Variants in RNF169 observed in about 807,000 individuals in gnomAD.
RNF169 encodes the protein ring finger protein 169.
RNF169 carries 24 observed loss-of-function variants against 53.9 expected under a neutral mutation model. The ratio of observed to expected loss-of-function variants is 0.45; its 90% CI spans 0.32 to 0.63. The LOEUF is 0.63. RNF169 is among the 20% of genes least tolerant of loss of function. The pLI is 0.04. For missense variants in RNF169, 883 were observed against 906.2 expected (o/e 0.97, Z 0.33); for synonymous variants, 396 against 363.5 (o/e 1.09, Z -1.02).
chr11:74,825,127 T>C (rs1309438763), intron 4 of RNF169, among the ~76,000 whole-genome samples: 2 of 151,976 alleles, frequency 1.3e-5, no homozygotes, highest in Non-Finnish European at 2.9e-5. Flanking sequence ...CATTATATAA[T>C]GATAAAAGGA....
intron 2 of RNF169, among the ~76,000 whole-genome samples, chr11:74,793,687 C>G (rs1002034626): frequency 2.6e-5 from 4 of 152,110 alleles, no homozygotes; most frequent in Admixed American, 2.6e-4. Context: ...GGTATGCTTA[C>G]TGAGGTCACT....
At chr11:74,833,004 T>C (rs573037148) in intron 4 of RNF169, among the ~76,000 whole-genome samples, 6 of 152,328 alleles carry the variant, frequency 3.9e-5, no homozygotes, top group Admixed American at 3.9e-4. Context: ...CACTAGATAG[T>C]ACAACTTTCA....
Position 74,748,851 on chromosome 11 carries a change from A to C in RNF169, c.-30A>C, listed in dbSNP as rs1483471785. 10 of 1,375,462 alleles carry C rather than the reference A, an allele frequency of 7.3e-6. No individual in the cohort carries two copies. In the South Asian group the frequency reaches 1.3e-4, roughly 17 times the overall value. 85.2% of individuals were successfully genotyped at this position (1,375,462 alleles called of 1,614,324 possible). ...CCCGCCCTCCACTCTTCTCCCTCGC[A>C]ACCGACTCTCCCTTCAAACGGGAAA... is the stretch of plus-strand genomic sequence containing the variant. On this transcript the variant is annotated 5_prime_UTR_variant, in exon 1 of 6. Transcript: ENST00000299563.
chr11:74,815,716 A>G (rs1184763557), intron 3 of RNF169, among the ~76,000 whole-genome samples: 1 of 152,182 alleles, frequency 6.6e-6, no homozygotes. Flanking sequence ...CACAATCTAT[A>G]TAGTAGAGTA....
intron 1 of RNF169, among the ~76,000 whole-genome samples, chr11:74,765,979 T>C (rs1331508359): frequency 6.6e-6 from 1 of 151,952 alleles, no homozygotes; most frequent in Non-Finnish European, 1.5e-5. Flanking sequence ...AAAATCTAAT[T>C]CATTGAAAAG....
chr11:74,767,601 G>T (rs868051958), intron 1 of RNF169, among the ~76,000 whole-genome samples: 1 of 151,356 alleles, frequency 6.6e-6, no homozygotes, highest in Non-Finnish European at 1.5e-5. Context: ...ATGGAGTCTC[G>T]CTCTGTCGCC....
At chr11:74,773,402 CA>C (rs1346761437) in intron 1 of RNF169, among the ~76,000 whole-genome samples, 1 of 152,108 alleles carries the variant, frequency 6.6e-6, no homozygotes, top group Non-Finnish European at 1.5e-5. Flanking sequence ...ATGTGTTTAT[CA>C]GCTTAGATGA....
At chr11:74,757,396 A>C (rs2035001829) in intron 1 of RNF169, among the ~76,000 whole-genome samples, 1 of 119,278 alleles carries the variant, frequency 8.4e-6, no homozygotes, top group African/African-American at 3.4e-5. Context: ...CCAGTCTATC[A>C]TTGTTGGACA....
At chr11:74,781,251 G>A (rs766080114) in intron 1 of RNF169, among the ~76,000 whole-genome samples, 1 of 152,238 alleles carries the variant, frequency 6.6e-6, no homozygotes, top group Non-Finnish European at 1.5e-5. Context: ...CTCATGTCAT[G>A]TTTGGATTGT....
intron 1 of RNF169, among the ~76,000 whole-genome samples, chr11:74,758,662 C>T (rs188389048): frequency 1.9e-3 from 294 of 152,142 alleles, no homozygotes; most frequent in African/African-American, 6.5e-3. Context: ...CCACTACGCC[C>T]GGCTAATTTT....
intron 1 of RNF169, among the ~76,000 whole-genome samples, chr11:74,785,196 TG>T (rs1406536488): frequency 6.9e-4 from 83 of 119,876 alleles, no homozygotes; most frequent in African/African-American, 3.5e-3. Flanking sequence ...GATATATATA[TG>T]ATATATATAT....
At chr11:74,783,773 C>T (rs1294506463) in intron 1 of RNF169, among the ~76,000 whole-genome samples, 2 of 152,030 alleles carry the variant, frequency 1.3e-5, no homozygotes, top group African/African-American at 2.4e-5. Context: ...AGGAAGCTGA[C>T]ATGTGACCCC....
At chr11:74,804,879 A>T (rs111670574) in intron 2 of RNF169, among the ~76,000 whole-genome samples, 1 of 152,230 alleles carries the variant, frequency 6.6e-6, no homozygotes, top group East Asian at 1.9e-4. Flanking sequence ...AGGTTTAAAA[A>T]AAAGGACAAA....
chr11:74,756,583 C>G (rs1484569482), intron 1 of RNF169, among the ~76,000 whole-genome samples: 2 of 152,280 alleles, frequency 1.3e-5, no homozygotes, highest in African/African-American at 4.8e-5. Flanking sequence ...TCAGGAATGG[C>G]TTCAGTGAAT....
rs146041501 is a variant in RNF169, at chr11:74,787,006, A to G, written c.503-2620A>G. 3.3e-5 allele frequency among the ~76,000 whole-genome samples: 5 copies of G among 152,350 alleles called. No individual in the cohort carries two copies. The East Asian group carries it at 5.8e-4, about 18-fold the overall frequency. On this transcript the variant is annotated intron_variant, in intron 1 of 5. Transcript: ENST00000299563. ...CTTGTGTTGGATAGTATACTTATTT[A>G]TAAGCCTGAATAAGATTATGCTCCT...
intron 1 of RNF169, among the ~76,000 whole-genome samples, chr11:74,760,260 A>G (rs1243930181): frequency 2.6e-5 from 4 of 152,116 alleles, no homozygotes; most frequent in Non-Finnish European, 5.9e-5. Context: ...TCAAAAAACC[A>G]GCTCCTGGAT....
At chr11:74,783,232 A>G (rs967417847) in intron 1 of RNF169, among the ~76,000 whole-genome samples, 5 of 150,706 alleles carry the variant, frequency 3.3e-5, no homozygotes, top group Non-Finnish European at 5.9e-5. Context: ...CCTATCTTGT[A>G]GTTTGTTTTG....
intron 1 of RNF169, among the ~76,000 whole-genome samples, chr11:74,758,588 G>A (rs1356676245): frequency 4.6e-5 from 7 of 150,942 alleles, no homozygotes; most frequent in East Asian, 3.9e-4. Context: ...TGCAAGCTCC[G>A]CCTCCCGGTT....
intron 1 of RNF169, among the ~76,000 whole-genome samples, chr11:74,764,253 G>A (rs527573521): frequency 1.3e-5 from 2 of 152,252 alleles, no homozygotes; most frequent in African/African-American, 2.4e-5. Flanking sequence ...GAGTAAGGGC[G>A]CTGGGTGCGG....
Sources: allele counts gnomAD v4.1 joint callset (sites outside exome capture counted in the v4.1 genomes callset), GRCh38; gene constraint gnomAD v4.1.1; transcripts MANE v1.5; gene names NCBI Gene and HGNC (gene_info 2026-07-23, HGNC 2026-07-21).